Variants in TPTE2 observed in about 807,000 individuals in gnomAD.
TPTE2 encodes the protein transmembrane phosphoinositide 3-phosphatase and tensin homolog 2, also known as phosphatidylinositol 3,4,5-trisphosphate 3-phosphatase TPTE2.
In TPTE2, 53 loss-of-function variants were observed where a neutral mutation model predicts 78.6. The observed-to-expected ratio is 0.67, with a 90% CI of 0.54 to 0.85. TPTE2 has a LOEUF of 0.85. Among genes scored for constraint, TPTE2 ranks in the 40% least tolerant of loss-of-function variants. The pLI, the probability that TPTE2 is intolerant of heterozygous loss-of-function variation, is 0.00. For synonymous variants in TPTE2, 175 were observed against 206.2 expected, an observed-to-expected ratio of 0.85 and a Z score of 1.30; for missense variants, 461 against 623.0, an observed-to-expected ratio of 0.74 and a Z score of 2.77.
chr13:19,451,744 T>A (rs1282477967), intron 10 of TPTE2, among the ~76,000 whole-genome samples: 1 of 152,160 alleles, frequency 6.6e-6, no homozygotes, highest in Middle Eastern at 3.4e-3. Flanking sequence ...GGTAACAATA[T>A]GGAGACTTTT....
chr13:19,554,138 G>A, the TPTE2 span, among the ~76,000 whole-genome samples: 1 of 152,172 alleles, frequency 6.6e-6, no homozygotes, highest in Non-Finnish European at 1.5e-5. Context: ...GACTTTGGGA[G>A]GCTGAGGCGG....
chr13:19,444,988 G>C (rs1011806317), intron 13 of TPTE2, among the ~76,000 whole-genome samples: 1 of 152,104 alleles, frequency 6.6e-6, no homozygotes, highest in Non-Finnish European at 1.5e-5. Flanking sequence ...AGTTTAAAAG[G>C]AATGAACCTT....
At chr13:19,512,088 A>G (rs1869489654) in intron 1 of TPTE2, among the ~76,000 whole-genome samples, 1 of 152,228 alleles carries the variant, frequency 6.6e-6, no homozygotes, top group African/African-American at 2.4e-5. Context: ...ACCACAATAG[A>G]GATATGAACC....
chr13:19,442,412 G>A (rs1046823182), intron 13 of TPTE2, among the ~76,000 whole-genome samples: 7 of 151,594 alleles, frequency 4.6e-5, no homozygotes, highest in African/African-American at 1.7e-4. Flanking sequence ...AAAATTTATG[G>A]GATGAAACTA....
chr13:19,478,903 G>T (rs891051341), intron 4 of TPTE2, among the ~76,000 whole-genome samples: 6 of 152,000 alleles, frequency 3.9e-5, no homozygotes, highest in Non-Finnish European at 7.4e-5. Context: ...GCAAACTATC[G>T]CAAGGTCAGA....
At chr13:19,500,170 C>A (rs1412217724) in intron 1 of TPTE2, among the ~76,000 whole-genome samples, 2 of 151,486 alleles carry the variant, frequency 1.3e-5, no homozygotes, top group South Asian at 4.2e-4. Context: ...AGTTTACCAA[C>A]CAAAAAGAGT....
At chr13:19,473,942 C>T (rs1380842711) in exon 6 of TPTE2, 1 of 1,603,780 alleles carries the variant, frequency 6.2e-7, no homozygotes, top group South Asian at 1.1e-5. Context: ...AGAAGAACAT[C>T]CATGAGAAAA....
chr13:19,432,621 T>C, intron 15 of TPTE2, 43 bp from the exon 19 acceptor site: 2 of 1,359,240 alleles, frequency 1.5e-6, no homozygotes, highest in South Asian at 1.3e-5. Flanking sequence ...AGATGAAAAG[T>C]CTAAAGTCAG....
intron 3 of TPTE2, among the ~76,000 whole-genome samples, chr13:19,485,091 A>G (rs1324969130): frequency 6.6e-6 from 1 of 152,144 alleles, no homozygotes; most frequent in South Asian, 2.1e-4. Context: ...GTAGTTTTCT[A>G]TAGTGATAAG....
chr13:19,560,885 T>C, the TPTE2 span: 2 of 1,574,968 alleles, frequency 1.3e-6, no homozygotes, highest in South Asian at 2.3e-5. Flanking sequence ...GCGTCTCCGC[T>C]TGGTGATCTC....
At chr13:19,471,288 ATAAG>A (rs1439693878) in intron 6 of TPTE2, among the ~76,000 whole-genome samples, 1 of 152,148 alleles carries the variant, frequency 6.6e-6, no homozygotes, top group African/African-American at 2.4e-5. Flanking sequence ...GTTATCATTG[ATAAG>A]TAAGAACTCA....
At chr13:19,425,497 T>A (rs1295231368) in intron 18 of TPTE2, among the ~76,000 whole-genome samples, 2 of 152,156 alleles carry the variant, frequency 1.3e-5, no homozygotes, top group Non-Finnish European at 2.9e-5. Context: ...CTGATCCTGA[T>A]ATCTGCCTTA....
chr13:19,451,550 T>A (rs1216236590), intron 10 of TPTE2, among the ~76,000 whole-genome samples: 4 of 152,214 alleles, frequency 2.6e-5, no homozygotes, highest in Non-Finnish European at 5.9e-5. Flanking sequence ...ATATGGTTCT[T>A]GTTTAAATCT....
upstream of TPTE2, among the ~76,000 whole-genome samples, chr13:19,540,365 C>T (rs1197882902): frequency 3.3e-5 from 5 of 151,164 alleles, no homozygotes; most frequent in South Asian, 2.1e-4. Context: ...GCAGTGGCGG[C>T]GTAATCTCAG....
At chr13:19,506,232 C>T (rs1482221415), upstream of TPTE2, among the ~76,000 whole-genome samples, 6 of 107,530 alleles carry the variant, frequency 5.6e-5, no homozygotes, top group Non-Finnish European at 8.5e-5. Context: ...AGTGCAGTGG[C>T]GGGATCTCGG....
At chr13:19,496,483 A>G (rs1881318794) in intron 1 of TPTE2, among the ~76,000 whole-genome samples, 1 of 152,124 alleles carries the variant, frequency 6.6e-6, no homozygotes, top group South Asian at 2.1e-4. Context: ...TTCACCCATC[A>G]TGCTAGTCTT....
chr13:19,453,538 C>CATATAT lies in TPTE2; in HGVS notation c.742-2319_742-2314dup, dbSNP rs56140648. On this transcript the variant is annotated intron_variant, in intron 10 of 19. Transcript: ENST00000400230. ...TGATATATATATATCATTTTATAAT[C>CATATAT]ATATATATATATATATATATATATA... Among the ~76,000 whole-genome samples, 789 of 140,136 alleles carry CATATAT rather than the reference C, an allele frequency of 5.6e-3. 9 individuals are homozygous for CATATAT. Among genetic ancestry groups the CATATAT allele is most frequent in the African/African-American group, 0.015 (527 of 34,886 alleles). 91.9% of individuals were successfully genotyped at this position (140,136 alleles called of 152,430 possible). A position where few individuals can be genotyped will look rare whatever the true frequency, so the allele number is the denominator to read the frequency against.
intron 17 of TPTE2, 91 bp downstream of exon 20, chr13:19,430,377 G>A: frequency 1.1e-6 from 1 of 951,826 alleles, no homozygotes; most frequent in Non-Finnish European, 1.6e-6. Context: ...TCTTTATGGT[G>A]AGTGATAGTT....
chr13:19,423,051 A>G lies in TPTE2; in HGVS notation c.*11T>C, dbSNP rs763908530. ...ATACTTAGTCGGATCCAGCTACAAC[A>G]TCATTGGAAGTCATTTCTCGCCAAA... On this transcript the variant is annotated 3_prime_UTR_variant, in exon 20 of 20. Coordinates refer to ENST00000400230, the Ensembl canonical transcript of TPTE2. 4.3e-5 allele frequency: 69 copies of G among 1,612,132 alleles called. No homozygotes were observed. In the Middle Eastern group the frequency reaches 4.9e-4, roughly 12 times the overall value.
Sources: allele counts gnomAD v4.1 joint callset (sites outside exome capture counted in the v4.1 genomes callset), GRCh38; gene constraint gnomAD v4.1.1; transcripts MANE v1.5; gene names NCBI Gene and HGNC (gene_info 2026-07-23, HGNC 2026-07-21).